TRIO: variants seen among roughly 807,000 people sequenced by gnomAD.
TRIO encodes triple functional domain protein.
Under a neutral mutation model 351.9 loss-of-function variants are expected in TRIO, and 58 were observed. The observed-to-expected ratio is 0.16, with a 90% CI of 0.13 to 0.21. The LOEUF (loss-of-function observed/expected upper bound fraction) is 0.21, where lower values mean the gene tolerates loss of function less well. TRIO is among the 10% of genes least tolerant of loss of function. TRIO has a pLI of 1.00. For missense variants in TRIO, 3,201 were observed against 4,027.8 expected, an observed-to-expected ratio of 0.79 and a Z score of 5.56; for synonymous variants, 1,758 against 1,595.7, an observed-to-expected ratio of 1.10 and a Z score of -2.42.
At chr5:14,445,326 T>G (rs925220714) in intron 34 of TRIO, among the ~76,000 whole-genome samples, 5 of 152,132 alleles carry the variant, frequency 3.3e-5, no homozygotes, top group African/African-American at 1.2e-4. Flanking sequence ...GCAAACCACA[T>G]ACCCCCCGCC....
intron 1 of TRIO, among the ~76,000 whole-genome samples, chr5:14,244,369 T>C (rs887947309): frequency 4.6e-5 from 7 of 152,176 alleles, no homozygotes; most frequent in African/African-American, 1.7e-4. Context: ...GCAAATATCA[T>C]GGAAGAGGCT....
In TRIO at chr5:14,488,106, C is replaced by A; in HGVS notation, c.7478C>A (p.Pro2493His). 1.2e-6 allele frequency: 2 copies of A among 1,609,916 alleles called. No individual in the cohort carries two copies. Among genetic ancestry groups the A allele is most frequent in the South Asian group, 2.2e-5 (2 of 90,932 alleles). Residue 2493 changes from proline to histidine, a missense_variant, in exon 48 of 57, where the codon CCC becomes CAC. Transcript: ENST00000344204. Reference protein sequence around the residue: ...GSFWSSIPASPASRPGSFTFP... With the variant: ...GSFWSSIPASHASRPGSFTFP... ...TTCTGGAGCTCCATCCCCGCCTCCCCCGCCAGCCGACCCGGCTCCTTCACC... is the reference window on the plus strand; with the variant it reads ...TTCTGGAGCTCCATCCCCGCCTCCCACGCCAGCCGACCCGGCTCCTTCACC...
chr5:14,381,415 G>C (rs545667888), intron 21 of TRIO, among the ~76,000 whole-genome samples, 163 bp downstream of exon 21: 2 of 152,092 alleles, frequency 1.3e-5, no homozygotes, highest in African/African-American at 4.8e-5. Context: ...GTGTCCCTCC[G>C]TGTCCTCCAC....
chr5:14,509,695 G>A lies in TRIO; in HGVS notation c.*1273G>A, dbSNP rs1402533897. The A allele has an allele frequency of 9.3e-6, 3 of 321,400 alleles. No homozygotes were observed. Among genetic ancestry groups the A allele is most frequent in the South Asian group, 4.9e-5 (2 of 41,190 alleles). The allele number at this position is 321,400 out of a possible 1,614,324, so 19.9% of individuals were successfully genotyped here. On this transcript the variant is annotated 3_prime_UTR_variant, in exon 57 of 57. Coordinates refer to ENST00000344204, the MANE Select transcript of TRIO (RefSeq NM_007118.4). The stretch of plus-strand genomic sequence containing the variant: ...AATAAAAGCCGATTAAGCACTGGCC[G>A]CCCCGCGGCTGGTACCCAATGCCCG...
At chr5:14,476,547 A>G (rs1035630779) in intron 40 of TRIO, among the ~76,000 whole-genome samples, 12 of 152,140 alleles carry the variant, frequency 7.9e-5, no homozygotes, top group African/African-American at 2.4e-4. Flanking sequence ...ATCCCAGCAC[A>G]TTGGGAGGCT....
chr5:14,477,065 G>A (rs970884475), intron 41 of TRIO, 102 bp downstream of exon 41: 29 of 983,356 alleles, frequency 2.9e-5, no homozygotes, highest in East Asian at 2.3e-4. Context: ...ATGTAAGTGC[G>A]TATGTTTAAG....
At chr5:14,392,796 C>T (rs1356880048) in intron 27 of TRIO, among the ~76,000 whole-genome samples, 2 of 152,198 alleles carry the variant, frequency 1.3e-5, no homozygotes, top group African/African-American at 2.4e-5. Flanking sequence ...CCTGTAATCC[C>T]AGCACTTTGG....
At chr5:14,450,921 A>G (rs1184216944) in intron 34 of TRIO, among the ~76,000 whole-genome samples, 1 of 152,242 alleles carries the variant, frequency 6.6e-6, no homozygotes, top group Non-Finnish European at 1.5e-5. Flanking sequence ...AAGACTCACT[A>G]GTACTCACAG....
chr5:14,354,751 A>G (rs939823186), intron 11 of TRIO, among the ~76,000 whole-genome samples: 1 of 152,180 alleles, frequency 6.6e-6, no homozygotes, highest in Non-Finnish European at 1.5e-5. Flanking sequence ...TAAGCTAACT[A>G]TGCAGAGTCC....
intron 3 of TRIO, among the ~76,000 whole-genome samples, chr5:14,283,675 C>T (rs767149792): frequency 4.6e-5 from 7 of 152,010 alleles, no homozygotes; most frequent in Admixed American, 6.6e-5. Flanking sequence ...TGTCTGGGTC[C>T]GGCACAGTTC....
At chr5:14,348,007 T>C (rs961350135) in intron 11 of TRIO, among the ~76,000 whole-genome samples, 4 of 152,224 alleles carry the variant, frequency 2.6e-5, no homozygotes, top group African/African-American at 9.6e-5. Context: ...ACATGTGTTA[T>C]TTGGTTGAGT....
At position 14,228,062 on chromosome 5, in the gene TRIO, G is replaced by A. The variant is rs528075456; in HGVS notation, c.158-42763G>A. Among the ~76,000 whole-genome samples the A allele has an allele frequency of 1.1e-3, 168 of 152,280 alleles. 3 individuals carry two copies. Among genetic ancestry groups the A allele is most frequent in the Middle Eastern group, 3.4e-3 (1 of 294 alleles). ...GGTGTGGGGGCCTGTGTGGAGAGGA[G>A]GCCAGGGAGCTGGGCCTGTTCAGGG... On this transcript the variant is annotated intron_variant, in intron 1 of 56. Coordinates refer to ENST00000344204, the MANE Select transcript of TRIO (RefSeq NM_007118.4).
intron 11 of TRIO, among the ~76,000 whole-genome samples, chr5:14,355,700 C>A (rs77032097): frequency 0.017 from 2,638 of 152,276 alleles, 87 homozygotes; most frequent in African/African-American, 0.06. Context: ...ATGCAACTGC[C>A]ATGTTCATGA....
chr5:14,409,140 C>A (rs1035940794), intron 33 of TRIO, among the ~76,000 whole-genome samples: 6 of 152,096 alleles, frequency 3.9e-5, no homozygotes, highest in African/African-American at 1.2e-4. Flanking sequence ...GGCTGGTACC[C>A]ACCTCCTCTC....
rs200154985 is a variant in TRIO, at chr5:14,508,376, G to A, written c.9248G>A (p.Arg3083His). ...RKHQNDVRPI[R>H]SIKNFLQSRL... ...CACCAGAATGATGTTCGACCTATCC[G>A]TAGCATTAAAAACTTTCTGCAGAGC... Residue 3083 changes from arginine (R) to histidine (H), a missense_variant, in exon 57 of 57, where the codon CGT becomes CAT. Arg to His is a conservative substitution (Grantham distance 29). Transcript: ENST00000344204. 1.6e-5 allele frequency: 26 copies of A among 1,613,598 alleles called. No individual in the cohort carries two copies. The East Asian group carries it at 2.7e-4, about 17-fold the overall frequency.
intron 55 of TRIO, 124 bp downstream of exon 55, chr5:14,504,717 AC>A: frequency 8.2e-7 from 1 of 1,223,578 alleles, no homozygotes; most frequent in Non-Finnish European, 1.1e-6. Context: ...GAACTAAAAA[AC>A]ATCTTCACTG....
chr5:14,328,224 T>C (rs925106309), intron 9 of TRIO, among the ~76,000 whole-genome samples: 1 of 152,216 alleles, frequency 6.6e-6, no homozygotes, highest in Non-Finnish European at 1.5e-5. Flanking sequence ...GTTAAAGTAA[T>C]GTGCACTCAA....
chr5:14,400,014 G>A (rs28343), intron 30 of TRIO, among the ~76,000 whole-genome samples: 46,818 of 152,058 alleles, frequency 0.31, 7,704 homozygotes, highest in African/African-American at 0.39. Flanking sequence ...AAATTCTTCA[G>A]GTAATAAAAT....
At chr5:14,499,818 G>A (rs909162987) in intron 53 of TRIO, among the ~76,000 whole-genome samples, 3 of 151,984 alleles carry the variant, frequency 2.0e-5, no homozygotes, top group Non-Finnish European at 4.4e-5. Context: ...TTGGGAGGCC[G>A]AGGTGGGTGG....
Sources: gnomAD v4.1 joint callset for allele counts (sites outside exome capture counted in the v4.1 genomes callset) on GRCh38, gnomAD v4.1.1 for gene constraint, MANE v1.5 for transcripts, NCBI Gene and HGNC (gene_info 2026-07-23, HGNC 2026-07-21) for gene names.